The following ACTR3C variants were observed in gnomAD, a reference collection of about 807,000 sequenced individuals.
The protein encoded by ACTR3C is actin-related protein 3C.
In ACTR3C, 18 loss-of-function variants were observed where a neutral mutation model predicts 26.3. That is an observed-to-expected ratio of 0.68 (90% confidence interval 0.47 to 1.01). ACTR3C has a LOEUF of 1.01. Among genes scored for constraint, ACTR3C ranks in the 50% least tolerant of loss-of-function variants. The probability of loss-of-function intolerance (pLI) is 0.00; values close to 1 mark genes in which losing one functional copy is unlikely to be tolerated. For synonymous variants in ACTR3C, 55 were observed against 94.5 expected, an observed-to-expected ratio of 0.58 and a Z score of 2.42; for missense variants, 184 against 250.7, an observed-to-expected ratio of 0.73 and a Z score of 1.80.
intron 6 of ACTR3C, among the ~76,000 whole-genome samples, chr7:150,254,870 T>C (rs1833097427): frequency 6.6e-6 from 1 of 152,180 alleles, no homozygotes; most frequent in South Asian, 2.1e-4. Flanking sequence ...ACAAAACCAA[T>C]TTCCAGAGGA....
intron 6 of ACTR3C, among the ~76,000 whole-genome samples, chr7:150,278,798 G>A (rs752647059): frequency 6.6e-5 from 10 of 152,192 alleles, no homozygotes; most frequent in Non-Finnish European, 1.3e-4. Context: ...TGGAACTGGG[G>A]CTAAAAGAGC....
At chr7:150,024,886 T>C in the ACTR3C span, among the ~76,000 whole-genome samples, 1 of 150,676 alleles carries the variant, frequency 6.6e-6, no homozygotes, top group Non-Finnish European at 1.5e-5. Context: ...CAAAAAGGAA[T>C]CAAATCCTGT....
intron 6 of ACTR3C, among the ~76,000 whole-genome samples, chr7:150,263,409 T>C (rs1584865980): frequency 1.3e-5 from 2 of 152,054 alleles, no homozygotes; most frequent in Non-Finnish European, 2.9e-5. Context: ...AGAGAATTGT[T>C]GGCCTGGAAA....
chr7:149,912,180 T>G, the ACTR3C span, among the ~76,000 whole-genome samples: 1 of 151,656 alleles, frequency 6.6e-6, no homozygotes, highest in Non-Finnish European at 1.5e-5. Context: ...AGATACCTGA[T>G]AGGCCTTCAA....
the ACTR3C span, among the ~76,000 whole-genome samples, chr7:149,970,964 T>G: frequency 6.6e-6 from 1 of 152,156 alleles, no homozygotes; most frequent in Non-Finnish European, 1.5e-5. Context: ...TTCTTCCAGA[T>G]GACAATTTTC....
At chr7:150,059,603 G>A in the ACTR3C span, among the ~76,000 whole-genome samples, 2 of 152,190 alleles carry the variant, frequency 1.3e-5, no homozygotes, top group African/African-American at 2.4e-5. Flanking sequence ...AGGAAGGACA[G>A]AGGAGGAGGG....
At chr7:149,973,746 C>A in the ACTR3C span, among the ~76,000 whole-genome samples, 1 of 151,914 alleles carries the variant, frequency 6.6e-6, no homozygotes, top group Non-Finnish European at 1.5e-5. Context: ...TTATAAATAA[C>A]CCCAACGTGT....
the ACTR3C span, among the ~76,000 whole-genome samples, chr7:150,105,879 T>A: frequency 1.3e-5 from 2 of 152,052 alleles, no homozygotes; most frequent in Non-Finnish European, 2.9e-5. Flanking sequence ...ATAATTTTAG[T>A]CTTTCATAGG....
At chr7:150,196,955 T>C in the ACTR3C span, among the ~76,000 whole-genome samples, 1 of 152,222 alleles carries the variant, frequency 6.6e-6, no homozygotes, top group African/African-American at 2.4e-5. Flanking sequence ...GCCTAGAATA[T>C]ATTACTGCTG....
At chr7:150,198,967 CCGGGAGGGAGG>C in the ACTR3C span, among the ~76,000 whole-genome samples, 2 of 135,744 alleles carry the variant, frequency 1.5e-5, no homozygotes, top group African/African-American at 6.2e-5. Flanking sequence ...GCCGCCCCGT[CCGGGAGGGAGG>C]TGGGGGGGGT....
chr7:150,139,852 AG>A, the ACTR3C span, among the ~76,000 whole-genome samples: 2 of 152,328 alleles, frequency 1.3e-5, no homozygotes, highest in Non-Finnish European at 1.5e-5. Context: ...GCAAAGGAAA[AG>A]GTACTCATGT....
At chr7:150,010,336 C>T in the ACTR3C span, among the ~76,000 whole-genome samples, 1 of 152,192 alleles carries the variant, frequency 6.6e-6, no homozygotes, top group Non-Finnish European at 1.5e-5. Flanking sequence ...CCCTGAACCA[C>T]ATCATTTCAT....
chr7:150,317,328 C>T (rs1325705825), intron 1 of ACTR3C, among the ~76,000 whole-genome samples: 2 of 152,194 alleles, frequency 1.3e-5, no homozygotes, highest in African/African-American at 4.8e-5. Context: ...GCTGGGATTA[C>T]AGGTGTAGGC....
chr7:149,929,612 A>G, the ACTR3C span, among the ~76,000 whole-genome samples: 18 of 141,918 alleles, frequency 1.3e-4, no homozygotes, highest in Non-Finnish European at 2.4e-4. Flanking sequence ...GCTCACTGCA[A>G]CCTCCGCCTC....
At chr7:150,166,019 T>G in the ACTR3C span, among the ~76,000 whole-genome samples, 83 of 151,796 alleles carry the variant, frequency 5.5e-4, no homozygotes, top group African/African-American at 2.0e-3. Context: ...CACATGATTT[T>G]TATAATTAGA....
the ACTR3C span, among the ~76,000 whole-genome samples, chr7:150,071,216 C>T: frequency 2.6e-4 from 39 of 151,946 alleles, no homozygotes; most frequent in Admixed American, 7.2e-4. Flanking sequence ...CTCCGCCTCC[C>T]GGGTTCATGC....
the ACTR3C span, among the ~76,000 whole-genome samples, chr7:150,003,589 G>A: frequency 3.3e-5 from 5 of 152,150 alleles, no homozygotes; most frequent in Admixed American, 6.5e-5. Context: ...CATGTGGTAT[G>A]TAGTGTGTGG....
the ACTR3C span, among the ~76,000 whole-genome samples, chr7:150,194,755 T>C: frequency 5.9e-5 from 9 of 152,222 alleles, no homozygotes; most frequent in Middle Eastern, 3.4e-3. Flanking sequence ...TGCCCTAAGG[T>C]TTACAATATG....
rs533681227 is a variant in ACTR3C, at chr7:150,299,636, AT to A, written c.-51-4290del. Among the ~76,000 whole-genome samples, 209 of 152,036 alleles carry A rather than the reference AT, an allele frequency of 1.4e-3. 1 individual carries two copies. Among genetic ancestry groups the A allele is most frequent in the African/African-American group, 4.7e-3 (195 of 41,500 alleles). ...CCCCATCTCTGCTAAAAATACAAAAATTAGCTGGGCGTGGTGGTGCACGCCT... is the reference window on the plus strand; with the variant it reads ...CCCCATCTCTGCTAAAAATACAAAAATAGCTGGGCGTGGTGGTGCACGCCT... On this transcript the variant is annotated intron_variant, in intron 1 of 7. Coordinates refer to ENST00000683684, the MANE Select transcript of ACTR3C (RefSeq NM_001164458.2).
Sources: allele counts gnomAD v4.1 joint callset (sites outside exome capture counted in the v4.1 genomes callset), GRCh38; gene constraint gnomAD v4.1.1; transcripts MANE v1.5; gene names NCBI Gene and HGNC (gene_info 2026-07-23, HGNC 2026-07-21).